EP300: variants seen among roughly 807,000 people sequenced by gnomAD.
EP300 encodes the protein EP300 lysine acetyltransferase.
Under a neutral mutation model 264.0 loss-of-function variants are expected in EP300, and 31 were observed. That is an observed-to-expected ratio of 0.12 (90% confidence interval 0.09 to 0.16). EP300 has a LOEUF of 0.16. Ranked by LOEUF, EP300 falls within the 10% of genes least tolerant of loss-of-function variation. EP300 has a pLI of 1.00. For synonymous variants in EP300, 1,340 were observed against 1,045.4 expected, an observed-to-expected ratio of 1.28 and a Z score of -5.44; for missense variants, 2,766 against 3,052.9, an observed-to-expected ratio of 0.91 and a Z score of 2.21.
chr22:41,128,859 T>C (rs2058898894), intron 4 of EP300, among the ~76,000 whole-genome samples: 2 of 152,126 alleles, frequency 1.3e-5, no homozygotes, highest in South Asian at 4.1e-4. Flanking sequence ...TTTAGAAAAT[T>C]CCATTGTCTA....
intron 1 of EP300, among the ~76,000 whole-genome samples, chr22:41,104,466 T>C (rs1246569214): frequency 1.3e-5 from 2 of 151,982 alleles, no homozygotes; most frequent in Non-Finnish European, 2.9e-5. Flanking sequence ...ATTTTTGTAT[T>C]TTTAGTAGAC....
intron 2 of EP300, among the ~76,000 whole-genome samples, chr22:41,119,702 A>T (rs532145309): frequency 6.8e-6 from 1 of 146,816 alleles, no homozygotes; most frequent in Admixed American, 6.6e-5. Context: ...TTCTTTCAGA[A>T]ACTGGGTTTA....
rs1460375395 is a variant in EP300, at chr22:41,170,383, GTTCT to G, written c.4287-18_4287-15del. 1.2e-6 allele frequency: 2 copies of G among 1,608,516 alleles called. No individual in the cohort carries two copies. Among genetic ancestry groups the G allele is most frequent in the East Asian group, 4.5e-5 (2 of 44,838 alleles). On this transcript the variant is annotated intron_variant, in intron 26 of 30. Coordinates refer to ENST00000263253, the MANE Select transcript of EP300 (RefSeq NM_001429.4). ...GAATAGATTATCTCTTTTCCTTAAT[GTTCT>G]TTCTCTTTGTATTGTTAGTTACACA... is the stretch of plus-strand genomic sequence containing the variant.
chr22:41,166,567 G>A (rs367909538), intron 22 of EP300, 32 bp from the exon 23 acceptor site: 43 of 1,577,954 alleles, frequency 2.7e-5, no homozygotes, highest in Middle Eastern at 1.7e-4. Flanking sequence ...GTTTATCTAA[G>A]TTGTGTAAGC....
intron 19 of EP300, chr22:41,159,020 C>A (rs915559619): frequency 6.4e-6 from 1 of 156,924 alleles, no homozygotes; most frequent in African/African-American, 2.4e-5. Context: ...CTTACTTTTC[C>A]CAACCCAGCC....
chr22:41,167,410 A>C (rs2059140553), intron 23 of EP300, among the ~76,000 whole-genome samples: 1 of 151,574 alleles, frequency 6.6e-6, no homozygotes, highest in African/African-American at 2.4e-5. Context: ...TAATAATCTA[A>C]ATGTAGTATT....
intron 1 of EP300, among the ~76,000 whole-genome samples, chr22:41,104,669 C>A (rs1321351347): frequency 6.6e-6 from 1 of 152,160 alleles, no homozygotes; most frequent in Non-Finnish European, 1.5e-5. Flanking sequence ...TGTGAATTTT[C>A]TAAACATGGC....
At chr22:41,154,526 T>A (rs1251209000) in intron 16 of EP300, among the ~76,000 whole-genome samples, 1 of 151,742 alleles carries the variant, frequency 6.6e-6, no homozygotes, top group Non-Finnish European at 1.5e-5. Context: ...GAGACTAGCA[T>A]GCCACCATGT....
intron 28 of EP300, 97 bp from the exon 29 acceptor site, chr22:41,173,526 T>G (rs1026563824): frequency 7.2e-6 from 9 of 1,250,816 alleles, no homozygotes; most frequent in Middle Eastern, 4.9e-4. Context: ...GGCATAAGAT[T>G]ATGATATCTA....
In EP300 at chr22:41,100,340, C is replaced by G. The variant is rs144291612; in HGVS notation, c.94+7242C>G. Among the ~76,000 whole-genome samples the G allele has an allele frequency of 3.9e-5, 6 of 152,218 alleles. No homozygotes were observed. The East Asian group carries it at 1.2e-3, about 29-fold the overall frequency. On this transcript the variant is annotated intron_variant, in intron 1 of 30. Transcript: ENST00000263253. ...AAATGAAACGGGGTAAGGATGAACT[C>G]CTGTATAGATAGACTGGATAAAGAG... is the stretch of plus-strand genomic sequence containing the variant.
chr22:41,122,666 C>T (rs1022131378), intron 2 of EP300, among the ~76,000 whole-genome samples: 2 of 151,166 alleles, frequency 1.3e-5, no homozygotes, highest in African/African-American at 4.9e-5. Context: ...GATTAATTTA[C>T]ATTTTTTTGT....
In EP300 at chr22:41,140,158, T is replaced by G. The variant is rs1239278370; in HGVS notation, c.1779T>G (p.Pro593=). 6.2e-7 allele frequency: 1 copy of G among 1,613,918 alleles called. No homozygotes were observed. The highest frequency in any genetic ancestry group is 8.5e-7 in the Non-Finnish European group (1 of 1,179,884). ...TTTCCAGCGTCCAAGCCATATTTCCTACGCCGGATCCTGCTGCTTTAAAAG... is the reference window on the plus strand; with the variant it reads ...TTTCCAGCGTCCAAGCCATATTTCCGACGCCGGATCCTGCTGCTTTAAAAG... ...LVHKLVQAIF[P]TPDPAALKDR... The change falls in exon 9 of 31, where the codon CCT becomes CCG. Residue 593 remains proline, a synonymous_variant. Transcript: ENST00000263253.
At chr22:41,103,490 A>G (rs991630579) in intron 1 of EP300, among the ~76,000 whole-genome samples, 1 of 151,956 alleles carries the variant, frequency 6.6e-6, no homozygotes, top group Non-Finnish European at 1.5e-5. Context: ...ATATAAAGGC[A>G]GGGGATGGGT....
In EP300 at chr22:41,113,106, C is replaced by T. The variant is rs2207583; in HGVS notation, c.95-4081C>T. On this transcript the variant is annotated intron_variant, in intron 1 of 30. Coordinates refer to ENST00000263253, the MANE Select transcript of EP300 (RefSeq NM_001429.4). The stretch of plus-strand genomic sequence containing the variant: ...TCAGTCTGTACCTAAATATGTCTTA[C>T]TCTCATTTCAAAATGTGTGTTTATA... 9.5e-3 allele frequency among the ~76,000 whole-genome samples: 1,431 copies of T among 150,014 alleles called. 28 individuals are homozygous for T. The highest frequency in any genetic ancestry group is 0.033 in the African/African-American group (1,354 of 40,642).
In EP300 at chr22:41,179,148, A is replaced by C; in HGVS notation, c.*192A>C. 1 of 652,460 alleles carries C rather than the reference A, an allele frequency of 1.5e-6. No homozygotes were observed. The highest frequency in any genetic ancestry group is 2.6e-6 in the Non-Finnish European group (1 of 386,386). The allele number at this position is 652,460 out of a possible 1,614,324, so 40.4% of individuals were successfully genotyped here. ...GAACCTGAGGGATGATAGAATACAA[A>C]GAATATATTTTTGTTATGGCTGGTT... On this transcript the variant is annotated 3_prime_UTR_variant, in exon 31 of 31. Transcript: ENST00000263253.
In EP300 at chr22:41,164,108, C is replaced by T. The variant is rs1244474837; in HGVS notation, c.3784C>T (p.His1262Tyr). 1 of 1,614,084 alleles carries T rather than the reference C, an allele frequency of 6.2e-7. No individual in the cohort carries two copies. The highest frequency in any genetic ancestry group is 1.1e-5 in the South Asian group (1 of 91,078). The stretch of plus-strand genomic sequence containing the variant: ...GATGCATCAGATCTGTGTCCTTCAC[C>T]ATGAGATCATCTGGCCTGCTGGGTA... The part of the protein sequence containing the change: ...RKMHQICVLH[H>Y]EIIWPAGFVC... Residue 1262 changes from histidine (H) to tyrosine (Y), a missense_variant, in exon 22 of 31, where the codon CAT becomes TAT. Coordinates refer to ENST00000263253, the MANE Select transcript of EP300 (RefSeq NM_001429.4).
At position 41,117,637 on chromosome 22, in the gene EP300, A is replaced by G. The variant is rs201487387; in HGVS notation, c.545A>G (p.Asn182Ser). The part of the protein sequence containing the change: ...GMNPGMLAAG[N>S]GQGIMPNQVM... ...AATCCTGGAATGTTGGCTGCAGGCA[A>G]TGGACAAGGGATAATGCCTAATCAA... Residue 182 changes from asparagine to serine, a missense_variant, in exon 2 of 31, where the codon AAT (asparagine) becomes AGT (serine). By Grantham distance (46) the Asn-to-Ser change is conservative. Transcript: ENST00000263253. 3.5e-5 allele frequency: 57 copies of G among 1,614,094 alleles called. No homozygotes were observed. In the East Asian group the frequency reaches 5.3e-4, roughly 15 times the overall value.
intron 1 of EP300, among the ~76,000 whole-genome samples, chr22:41,115,527 G>A (rs2058816100): frequency 6.6e-6 from 1 of 152,104 alleles, no homozygotes; most frequent in African/African-American, 2.4e-5. Flanking sequence ...CAAATTCCTG[G>A]ACTCAAGTAA....
chr22:41,148,031 A>G lies in EP300; in HGVS notation c.2241+85A>G, dbSNP rs573767223. 74 of 950,428 alleles carry G rather than the reference A, an allele frequency of 7.8e-5. No homozygotes were observed. In the South Asian group the frequency reaches 1.1e-3, roughly 14 times the overall value. 58.9% of individuals were successfully genotyped at this position (950,428 alleles called of 1,614,324 possible). ...TTGTTCCTACTTTATAAATTCTCAC[A>G]GTCATTTAAACAGACCATAACTCCT... is the stretch of plus-strand genomic sequence containing the variant. On this transcript the variant is annotated intron_variant, in intron 12 of 30. Coordinates refer to ENST00000263253, the MANE Select transcript of EP300 (RefSeq NM_001429.4).
Sources: allele counts gnomAD v4.1 joint callset (sites outside exome capture counted in the v4.1 genomes callset), GRCh38; gene constraint gnomAD v4.1.1; transcripts MANE v1.5; gene names NCBI Gene and HGNC (gene_info 2026-07-23, HGNC 2026-07-21).